The following SENP2 variants were observed in gnomAD, a reference collection of about 807,000 sequenced individuals.
SENP2 encodes the protein SUMO specific peptidase 2.
Under a neutral mutation model 86.3 loss-of-function variants are expected in SENP2, and 16 were observed. The ratio of observed to expected loss-of-function variants is 0.19; its 90% CI spans 0.13 to 0.28. SENP2 has a LOEUF of 0.28. Ranked by LOEUF, SENP2 falls within the 10% of genes least tolerant of loss-of-function variation. The pLI, the probability that SENP2 is intolerant of heterozygous loss-of-function variation, is 1.00. For synonymous variants in SENP2, 222 were observed against 238.7 expected (o/e 0.93, Z 0.64); for missense variants, 552 against 703.0 (o/e 0.79, Z 2.43).
At chr3:185,596,650 A>G (rs548460420) in intron 2 of SENP2, among the ~76,000 whole-genome samples, 4 of 152,016 alleles carry the variant, frequency 2.6e-5, no homozygotes, top group South Asian at 2.1e-4. Flanking sequence ...CATATTTTAT[A>G]CTTTACTTAG....
At chr3:185,616,666 T>G (rs895604701) in intron 11 of SENP2, among the ~76,000 whole-genome samples, 1 of 150,882 alleles carries the variant, frequency 6.6e-6, no homozygotes, top group Non-Finnish European at 1.5e-5. Flanking sequence ...TCCCAGCTAC[T>G]CGGGAGGCTG....
At chr3:185,627,949 G>C (rs921114839) in intron 16 of SENP2, among the ~76,000 whole-genome samples, 39 of 152,118 alleles carry the variant, frequency 2.6e-4, no homozygotes, top group African/African-American at 8.9e-4. Flanking sequence ...GAAGTAACTA[G>C]GACTCCCGTG....
chr3:185,617,792 A>T (rs1443388097), intron 12 of SENP2, among the ~76,000 whole-genome samples, 181 bp downstream of exon 12: 1 of 152,158 alleles, frequency 6.6e-6, no homozygotes, highest in Non-Finnish European at 1.5e-5. Context: ...TTGATTAGCG[A>T]TGTTTCCCTT....
At chr3:185,615,347 A>G (rs1711557448) in intron 11 of SENP2, among the ~76,000 whole-genome samples, 1 of 151,990 alleles carries the variant, frequency 6.6e-6, no homozygotes, top group African/African-American at 2.4e-5. Context: ...AGAAGAAAAT[A>G]ATTTCTTTTT....
At position 185,598,417 on chromosome 3, in the gene SENP2, T is replaced by G. The variant is rs546906913; in HGVS notation, c.163T>G (p.Phe55Val). The G allele has an allele frequency of 6.2e-7, 1 of 1,613,850 alleles. No individual in the cohort carries two copies. The highest frequency in any genetic ancestry group is 8.5e-7 in the Non-Finnish European group (1 of 1,179,842). Reference sequence around the variant, plus strand: ...AGTTTGTTGACACTTTCTAGATTGCTTTATTCACCAAGTGAAAAACAGTCT... The same window carrying G: ...AGTTTGTTGACACTTTCTAGATTGCGTTATTCACCAAGTGAAAAACAGTCT... ...IPAKRPRLDC[F>V]IHQVKNSLYN... The change falls in exon 3 of 17, where the codon TTT becomes GTT. Residue 55 changes from phenylalanine to valine, a missense_variant. By Grantham distance (50) the Phe-to-Val change is conservative. Transcript: ENST00000296257.
At chr3:185,614,876 G>A (rs1327369869) in intron 11 of SENP2, 136 bp downstream of exon 11, 1 of 767,220 alleles carries the variant, frequency 1.3e-6, no homozygotes, top group Middle Eastern at 3.2e-4. Context: ...TCCATGGTCT[G>A]TTGATTCACT....
chr3:185,604,052 C>G (rs148255329), intron 5 of SENP2, among the ~76,000 whole-genome samples: 19 of 152,240 alleles, frequency 1.2e-4, no homozygotes, highest in African/African-American at 4.3e-4. Context: ...ACCCGGAAGG[C>G]GGAGGTTGTA....
At chr3:185,615,455 T>G (rs1412119807) in intron 11 of SENP2, among the ~76,000 whole-genome samples, 1 of 152,244 alleles carries the variant, frequency 6.6e-6, no homozygotes, top group Non-Finnish European at 1.5e-5. Context: ...GTGATTCTCC[T>G]GGCTCAGCCT....
rs1721783225 is a variant in SENP2, at chr3:185,586,429, G to A, written c.16G>A (p.Val6Ile). MYRWLVRILGTIFRFC... is the reference protein window; with the variant it reads MYRWLIRILGTIFRFC... ...TGGGCCTGGTATGTACAGATGGCTG[G>A]TTAGGATTCTCGGCACCATTTTCCG... Residue 6 changes from valine to isoleucine, a missense_variant, in exon 1 of 17, where the codon GTT (valine) becomes ATT (isoleucine). By Grantham distance (29) the Val-to-Ile change is conservative (BLOSUM62 3). This residue lies in a region of SENP2 where 383 missense variants were observed against 427.3 expected (regional missense o/e 0.90). Coordinates refer to ENST00000296257, the MANE Select transcript of SENP2 (RefSeq NM_021627.3). The surrounding 1 kb of genome is among the most constrained non-coding windows in gnomAD (Gnocchi z 4.3). The A allele has an allele frequency of 6.2e-7, 1 of 1,614,072 alleles. No homozygotes were observed. The highest frequency in any genetic ancestry group is 2.2e-5 in the East Asian group (1 of 44,874).
intron 2 of SENP2, among the ~76,000 whole-genome samples, chr3:185,594,733 C>T (rs1310148232): frequency 6.6e-6 from 1 of 151,928 alleles, no homozygotes; most frequent in East Asian, 1.9e-4. Flanking sequence ...GATTCTCCTG[C>T]CTCAGTCTCC....
intron 14 of SENP2, among the ~76,000 whole-genome samples, chr3:185,623,401 A>C (rs1247112595): frequency 1.3e-5 from 2 of 152,076 alleles, no homozygotes; most frequent in African/African-American, 4.8e-5. Flanking sequence ...TGGCCTCCCA[A>C]AGTGTTGATA....
At chr3:185,587,865 G>C (rs1021591856) in intron 1 of SENP2, among the ~76,000 whole-genome samples, 1 of 150,306 alleles carries the variant, frequency 6.7e-6, no homozygotes, top group Non-Finnish European at 1.5e-5. Flanking sequence ...CTCCGGAATA[G>C]CTGGGATTAC....
At chr3:185,606,620 G>T in intron 6 of SENP2, 122 bp downstream of exon 6, 1 of 844,190 alleles carries the variant, frequency 1.2e-6, no homozygotes, top group South Asian at 2.1e-5. Flanking sequence ...CTACAATACA[G>T]CCTCCAACAA....
chr3:185,586,375 C>T lies in SENP2; in HGVS notation c.-39C>T, dbSNP rs1158864239. 1 of 1,612,358 alleles carries T rather than the reference C, an allele frequency of 6.2e-7. No homozygotes were observed. The highest frequency in any genetic ancestry group is 1.1e-5 in the South Asian group (1 of 91,070). On this transcript the variant is annotated 5_prime_UTR_variant, in exon 1 of 17. Transcript: ENST00000296257. This position sits in a 1 kb window ranked among gnomAD's most constrained non-coding sequence, Gnocchi z 4.3. ...GCGGCGACAGCTCTGGGGTTTGCGT[C>T]TCGGGGTGTGTCGGCCGCCGCTGCT...
chr3:185,602,730 A>C (rs1479193366), intron 5 of SENP2, among the ~76,000 whole-genome samples: 1 of 144,262 alleles, frequency 6.9e-6, no homozygotes, highest in Non-Finnish European at 1.5e-5. Flanking sequence ...GCTACTTGGG[A>C]GGCTGAGGCA....
At chr3:185,623,096 C>T (rs572839929) in intron 14 of SENP2, among the ~76,000 whole-genome samples, 7 of 151,756 alleles carry the variant, frequency 4.6e-5, no homozygotes, top group Middle Eastern at 6.9e-3. Context: ...GGATTACAGG[C>T]GTGAGCCACC....
intron 14 of SENP2, among the ~76,000 whole-genome samples, chr3:185,622,817 C>CTTTTTTTTTTT (rs35711486): frequency 4.5e-5 from 4 of 89,342 alleles, no homozygotes; most frequent in Non-Finnish European, 8.2e-5. Flanking sequence ...TACATTCATG[C>CTTTTTTTTTTT]TTTTTTTTTT....
chr3:185,619,607 AT>A, intron 13 of SENP2, 105 bp downstream of exon 13: 1 of 761,144 alleles, frequency 1.3e-6, no homozygotes, highest in Non-Finnish European at 2.1e-6. Context: ...AATAGTATAT[AT>A]TATAAGCATA....
At chr3:185,591,948 C>T (rs1322673868) in intron 2 of SENP2, among the ~76,000 whole-genome samples, 1 of 145,112 alleles carries the variant, frequency 6.9e-6, no homozygotes, top group Non-Finnish European at 1.5e-5. Flanking sequence ...ATTGTCCAGG[C>T]TGAAAATAGG....
Sources: allele counts gnomAD v4.1 joint callset (sites outside exome capture counted in the v4.1 genomes callset), GRCh38; gene constraint gnomAD v4.1.1; regional missense constraint gnomAD v4.1.1; non-coding constraint Gnocchi (gnomAD v3.1); transcripts MANE v1.5; gene names NCBI Gene and HGNC (gene_info 2026-07-23, HGNC 2026-07-21).